The following EYS variants were observed in gnomAD, a reference collection of about 807,000 sequenced individuals.
EYS encodes EGF-like photoreceptor maintenance factor.
Under a neutral mutation model 282.1 loss-of-function variants are expected in EYS, and 250 were observed. The observed-to-expected ratio is 0.89, with a 90% CI of 0.80 to 0.98. The LOEUF (loss-of-function observed/expected upper bound fraction) is 0.98. EYS is among the 50% of genes least tolerant of loss of function. The pLI, the probability that EYS is intolerant of heterozygous loss-of-function variation, is 0.00. For synonymous variants in EYS, 1,355 were observed against 1,282.9 expected (o/e 1.06, Z -1.20); for missense variants, 4,016 against 3,709.0 (o/e 1.08, Z -2.15).
intron 35 of EYS, among the ~76,000 whole-genome samples, chr6:63,942,372 A>G (rs2149758927): frequency 6.6e-6 from 1 of 152,348 alleles, no homozygotes; most frequent in South Asian, 2.1e-4. Context: ...GATTATGGAT[A>G]TGGCAAAAAA....
At chr6:64,432,176 C>A (rs948018526) in intron 28 of EYS, among the ~76,000 whole-genome samples, 1 of 151,980 alleles carries the variant, frequency 6.6e-6, no homozygotes, top group African/African-American at 2.4e-5. Flanking sequence ...GCCAAAGGGC[C>A]AAACCAATAA....
At chr6:65,346,483 T>C (rs529531067) in intron 9 of EYS, among the ~76,000 whole-genome samples, 14 of 148,234 alleles carry the variant, frequency 9.4e-5, no homozygotes, top group African/African-American at 3.2e-4. Flanking sequence ...ATTACAAATA[T>C]AGTAAAACAA....
At chr6:64,109,905 TAAGGGA>T (rs1320723471) in intron 31 of EYS, among the ~76,000 whole-genome samples, 2 of 151,988 alleles carry the variant, frequency 1.3e-5, no homozygotes. Context: ...GGTATGAAAA[TAAGGGA>T]AAGTTTGAAA....
At chr6:65,205,530 A>T (rs1356216422) in intron 12 of EYS, among the ~76,000 whole-genome samples, 1 of 151,882 alleles carries the variant, frequency 6.6e-6, no homozygotes, top group East Asian at 1.9e-4. Context: ...CCTGACTTAA[A>T]CTATACTCTA....
chr6:63,769,478 A>C (rs893005916), intron 40 of EYS, among the ~76,000 whole-genome samples: 4 of 152,066 alleles, frequency 2.6e-5, no homozygotes, highest in Admixed American at 6.6e-5. Context: ...TTCTTATTTC[A>C]AGACCATTCA....
intron 34 of EYS, among the ~76,000 whole-genome samples, chr6:63,994,971 T>C (rs781599018): frequency 8.6e-5 from 13 of 151,914 alleles, no homozygotes; most frequent in Non-Finnish European, 1.6e-4. Flanking sequence ...TTGACAATGA[T>C]TTCTTGGTTA....
intron 30 of EYS, among the ~76,000 whole-genome samples, chr6:64,266,332 G>A (rs1767759965): frequency 6.6e-6 from 1 of 151,932 alleles, no homozygotes; most frequent in Non-Finnish European, 1.5e-5. Flanking sequence ...TGAGTGAGAG[G>A]TTAGTGAAAT....
chr6:65,577,575 T>C (rs1764716420), intron 2 of EYS, among the ~76,000 whole-genome samples: 2 of 151,638 alleles, frequency 1.3e-5, no homozygotes, highest in African/African-American at 4.8e-5. Context: ...ATAGACAAAG[T>C]TGATTACATT....
In EYS at chr6:65,595,017, G is replaced by A. The variant is rs9784780; in HGVS notation, c.-333+44761C>T. 9.8e-3 allele frequency among the ~76,000 whole-genome samples: 1,497 copies of A among 152,018 alleles called. 22 individuals carry two copies. Among genetic ancestry groups the A allele is most frequent in the African/African-American group, 0.034 (1,412 of 41,476 alleles). On this transcript the variant is annotated intron_variant, in intron 2 of 42. Transcript: ENST00000503581. ...CTGAGGGCTCTGTTCTGTTCCATTG[G>A]TCTGTATCTCTGTTTTGGTACCAGT... is the stretch of plus-strand genomic sequence containing the variant.
In EYS at chr6:65,495,606, T is replaced by C. The variant is rs961997877; in HGVS notation, c.-196A>G. On this transcript the variant is annotated splice_region_variant and 5_prime_UTR_variant, in exon 4 of 43. Coordinates refer to ENST00000503581, the MANE Select transcript of EYS (RefSeq NM_001142800.2). ...ACAGGAATTCAAATGTTGTAAATAT[T>C]CCTTTAAACAGAAAAAAACATATAT... 1 of 613,778 alleles carries C rather than the reference T, an allele frequency of 1.6e-6. No individual in the cohort carries two copies. The highest frequency in any genetic ancestry group is 2.9e-6 in the Non-Finnish European group (1 of 350,124). 38.0% of individuals were successfully genotyped at this position (613,778 alleles called of 1,614,324 possible).
At chr6:65,094,910 A>T (rs1352104287) in intron 12 of EYS, among the ~76,000 whole-genome samples, 1 of 151,404 alleles carries the variant, frequency 6.6e-6, no homozygotes, top group Non-Finnish European at 1.5e-5. Context: ...ATGTCAACAA[A>T]GTAAAGAGTT....
At chr6:65,536,998 G>A (rs1210262345) in intron 2 of EYS, among the ~76,000 whole-genome samples, 1 of 152,138 alleles carries the variant, frequency 6.6e-6, no homozygotes, top group Non-Finnish European at 1.5e-5. Context: ...ATTGATGTAT[G>A]TAGCCACATA....
chr6:64,472,367 G>A (rs1050196566), intron 26 of EYS, among the ~76,000 whole-genome samples: 1 of 152,192 alleles, frequency 6.6e-6, no homozygotes, highest in Non-Finnish European at 1.5e-5. Context: ...ATTTATTTCA[G>A]AAGTCAACAT....
chr6:64,094,821 C>T (rs560673072), intron 31 of EYS, among the ~76,000 whole-genome samples: 3 of 152,200 alleles, frequency 2.0e-5, no homozygotes, highest in African/African-American at 4.8e-5. Flanking sequence ...GCTCTTGCTT[C>T]TCTAGTTCTT....
chr6:64,540,547 A>G (rs2149798740), intron 26 of EYS, among the ~76,000 whole-genome samples: 1 of 143,164 alleles, frequency 7.0e-6, no homozygotes, highest in African/African-American at 2.6e-5. Flanking sequence ...CAGTGACACA[A>G]TCTCGGCTCA....
At chr6:64,649,522 T>C (rs934964169) in intron 22 of EYS, among the ~76,000 whole-genome samples, 2 of 152,082 alleles carry the variant, frequency 1.3e-5, no homozygotes, top group African/African-American at 4.8e-5. Flanking sequence ...GAAACTTTAG[T>C]AGAGATGGGG....
chr6:64,082,774 A>G (rs1582242743), intron 31 of EYS, among the ~76,000 whole-genome samples: 1 of 152,290 alleles, frequency 6.6e-6, no homozygotes, highest in Non-Finnish European at 1.5e-5. Context: ...TGCACATAAA[A>G]TTTAAAACAT....
chr6:63,983,033 A>G (rs1051282085), intron 35 of EYS, among the ~76,000 whole-genome samples: 1 of 151,742 alleles, frequency 6.6e-6, no homozygotes, highest in African/African-American at 2.4e-5. Flanking sequence ...ATTTTGAAAA[A>G]CAATTGGTAT....
chr6:64,193,809 G>A (rs751062607), intron 31 of EYS, among the ~76,000 whole-genome samples: 1 of 152,042 alleles, frequency 6.6e-6, no homozygotes, highest in Non-Finnish European at 1.5e-5. Context: ...CTTCATCCAT[G>A]TCCCTACAAA....
Sources: allele counts gnomAD v4.1 joint callset (sites outside exome capture counted in the v4.1 genomes callset), GRCh38; gene constraint gnomAD v4.1.1; transcripts MANE v1.5; gene names NCBI Gene and HGNC (gene_info 2026-07-23, HGNC 2026-07-21).